Variants in SNX2 observed in about 807,000 individuals in gnomAD.
The protein encoded by SNX2 is sorting nexin-2.
SNX2 carries 25 observed loss-of-function variants against 69.9 expected under a neutral mutation model. The observed-to-expected ratio is 0.36, with a 90% CI of 0.26 to 0.50. SNX2 has a LOEUF of 0.50. SNX2 is among the 20% of genes least tolerant of loss of function. The probability of loss-of-function intolerance (pLI) is 0.97; values close to 1 mark genes in which losing one functional copy is unlikely to be tolerated. For missense variants in SNX2, 551 were observed against 613.3 expected, an observed-to-expected ratio of 0.90 and a Z score of 1.07; for synonymous variants, 229 against 200.4, an observed-to-expected ratio of 1.14 and a Z score of -1.20.
intron 1 of SNX2, among the ~76,000 whole-genome samples, chr5:122,794,146 A>G (rs572931943): frequency 4.1e-4 from 62 of 152,194 alleles, no homozygotes; most frequent in African/African-American, 1.4e-3. Context: ...CCCTGTCTCT[A>G]CTAAAAATAC....
intron 14 of SNX2, among the ~76,000 whole-genome samples, chr5:122,829,195 GTTTTTGTT>G (rs1434879886): frequency 7.9e-6 from 1 of 125,994 alleles, no homozygotes; most frequent in Non-Finnish European, 1.7e-5. Flanking sequence ...TTTTAATGTT[GTTTTTGTT>G]TGTTTGTTTG....
Position 122,796,633 on chromosome 5 carries a change from A to G in SNX2, c.226+1250A>G, listed in dbSNP as rs113476444. On this transcript the variant is annotated intron_variant, in intron 2 of 14. Coordinates refer to ENST00000379516, the MANE Select transcript of SNX2 (RefSeq NM_003100.4). ...TGTATCTTATGCTAAAAGATGACAC[A>G]AGTTCTTTCTCTACTTAACAAGTAC... 3.1e-3 allele frequency among the ~76,000 whole-genome samples: 476 copies of G among 152,304 alleles called. 3 individuals are homozygous for G. Among genetic ancestry groups the G allele is most frequent in the South Asian group, 0.023 (113 of 4,824 alleles).
rs547077652 is a variant in SNX2, at chr5:122,818,483, A to G, written c.1007-335A>G. Among the ~76,000 whole-genome samples, 44 of 152,322 alleles carry G rather than the reference A, an allele frequency of 2.9e-4. No homozygotes were observed. The South Asian group carries it at 7.0e-3, about 24-fold the overall frequency. ...TGTGAGTATTACCAGTTCTTCTCATATTAAAAATATATTTCATTTTTAGGA... is the reference window on the plus strand; with the variant it reads ...TGTGAGTATTACCAGTTCTTCTCATGTTAAAAATATATTTCATTTTTAGGA... On this transcript the variant is annotated intron_variant, in intron 10 of 14. Coordinates refer to ENST00000379516, the MANE Select transcript of SNX2 (RefSeq NM_003100.4).
At chr5:122,825,912 T>G in intron 11 of SNX2, 138 bp from the exon 12 acceptor site, 1 of 690,254 alleles carries the variant, frequency 1.4e-6, no homozygotes, top group Admixed American at 3.7e-5. Flanking sequence ...ATTGGCATAC[T>G]TACTTTCAGT....
At chr5:122,796,261 A>C (rs1165733701) in intron 2 of SNX2, among the ~76,000 whole-genome samples, 1 of 152,178 alleles carries the variant, frequency 6.6e-6, no homozygotes, top group Non-Finnish European at 1.5e-5. Context: ...ATAAAAAATG[A>C]ATAATTATGT....
intron 9 of SNX2, 98 bp downstream of exon 9, chr5:122,817,126 C>A: frequency 1.8e-6 from 2 of 1,131,836 alleles, no homozygotes; most frequent in Non-Finnish European, 2.6e-6. Context: ...TATTAATTTG[C>A]TTATTGAGTT....
At chr5:122,789,474 GACACACAC>G (rs60199625) in intron 1 of SNX2, among the ~76,000 whole-genome samples, 67 of 144,702 alleles carry the variant, frequency 4.6e-4, no homozygotes, top group Middle Eastern at 3.5e-3. Flanking sequence ...GACACACACG[GACACACAC>G]ACACACACAC....
intron 10 of SNX2, among the ~76,000 whole-genome samples, 181 bp from the exon 11 acceptor site, chr5:122,818,637 G>C: frequency 6.6e-6 from 1 of 152,314 alleles, no homozygotes; most frequent in South Asian, 2.1e-4. Flanking sequence ...GTAGATCTCC[G>C]AGCACTTGGC....
rs541509502 is a variant in SNX2 at position 122,831,801 on chromosome 5, G to C, written c.*2153G>C. 3.3e-5 allele frequency among the ~76,000 whole-genome samples: 5 copies of C among 152,162 alleles called. No homozygotes were observed. The highest frequency in any genetic ancestry group is 4.8e-5 in the African/African-American group (2 of 41,450). On this transcript the variant is annotated 3_prime_UTR_variant, in exon 15 of 15. Coordinates refer to ENST00000379516, the MANE Select transcript of SNX2 (RefSeq NM_003100.4). ...TATTATTAAAATCTTCCATTCAGAT[G>C]TGGTACATTAGAATATTCAGTACCT...
At position 122,829,777 on chromosome 5, in the gene SNX2, C is replaced by T. The variant is rs1401687596; in HGVS notation, c.*129C>T. 183 of 18,836 alleles carry T rather than the reference C, an allele frequency of 9.7e-3. 2 individuals carry two copies. The highest frequency in any genetic ancestry group is 0.25 in the East Asian group (2 of 8). 1.2% of individuals were successfully genotyped at this position (18,836 alleles called of 1,614,324 possible). ...TATGAATTACATGTGGTTTTATATA[C>T]ACACACACACACACACACACACACA... On this transcript the variant is annotated 3_prime_UTR_variant, in exon 15 of 15. Transcript: ENST00000379516.
intron 1 of SNX2, among the ~76,000 whole-genome samples, chr5:122,790,173 C>T (rs1158611531): frequency 6.6e-6 from 1 of 152,126 alleles, no homozygotes; most frequent in Non-Finnish European, 1.5e-5. Flanking sequence ...GGTTGGAGTG[C>T]AGTGGTGCGA....
chr5:122,816,861 A>T, intron 8 of SNX2, 54 bp from the exon 9 acceptor site: 1 of 1,060,356 alleles, frequency 9.4e-7, no homozygotes, highest in Non-Finnish European at 1.4e-6. Flanking sequence ...GTGCCTAGTT[A>T]AACCTCCAGG....
chr5:122,800,351 AT>A (rs1209194792), intron 3 of SNX2, among the ~76,000 whole-genome samples: 1 of 152,234 alleles, frequency 6.6e-6, no homozygotes, highest in Non-Finnish European at 1.5e-5. Flanking sequence ...TGGCAAAATT[AT>A]GTATTTAAAA....
intron 11 of SNX2, among the ~76,000 whole-genome samples, chr5:122,824,902 TTA>T (rs1441036272): frequency 2.6e-5 from 4 of 152,196 alleles, no homozygotes; most frequent in Admixed American, 6.5e-5. Flanking sequence ...AATATACTCC[TTA>T]TGTTATTTCT....
intron 1 of SNX2, among the ~76,000 whole-genome samples, chr5:122,790,967 T>G (rs1753220877): frequency 6.6e-6 from 1 of 152,196 alleles, no homozygotes; most frequent in Non-Finnish European, 1.5e-5. Context: ...TTCAAATTTC[T>G]CACCATTAAG....
At position 122,827,420 on chromosome 5, in the gene SNX2, G is replaced by A. The variant is rs768380897; in HGVS notation, c.1398G>A (p.Gln466=). The A allele has an allele frequency of 6.2e-7, 1 of 1,613,374 alleles. No individual in the cohort carries two copies. Among genetic ancestry groups the A allele is most frequent in the Non-Finnish European group, 8.5e-7 (1 of 1,179,642 alleles). The change falls in exon 13 of 15, where the codon CAG becomes CAA. Residue 466 remains glutamine (Q), a synonymous_variant. Coordinates refer to ENST00000379516, the MANE Select transcript of SNX2 (RefSeq NM_003100.4). ...KVQQGERDFE[Q]ISKTIRKEVG... ...AACAAGGGGAAAGAGATTTTGAACA[G>A]ATATCTAAAACGATTCGAAAAGAAG...
At chr5:122,803,945 C>A in intron 6 of SNX2, 3 of 167,176 alleles carry the variant, frequency 1.8e-5, no homozygotes, top group South Asian at 3.8e-4. Context: ...TCAAGACCAG[C>A]CTAGCCAACA....
chr5:122,788,419 C>T (rs887127935), intron 1 of SNX2, among the ~76,000 whole-genome samples: 3 of 152,138 alleles, frequency 2.0e-5, no homozygotes, highest in Admixed American at 1.3e-4. Context: ...AAGTTTATAT[C>T]GTTCACCAAA....
intron 1 of SNX2, among the ~76,000 whole-genome samples, chr5:122,783,057 C>T (rs1238094062): frequency 6.6e-6 from 1 of 151,822 alleles, no homozygotes; most frequent in Non-Finnish European, 1.5e-5. Context: ...CTGCCTCAAC[C>T]TCCTGAATAG....
Sources: allele counts gnomAD v4.1 joint callset (sites outside exome capture counted in the v4.1 genomes callset), GRCh38; gene constraint gnomAD v4.1.1; transcripts MANE v1.5; gene names NCBI Gene and HGNC (gene_info 2026-07-23, HGNC 2026-07-21).